The following PADI3 variants were observed in gnomAD, a reference collection of about 807,000 sequenced individuals.
The protein encoded by PADI3 is protein-arginine deiminase type-3.
In PADI3, 53 loss-of-function variants were observed where a neutral mutation model predicts 71.5. The observed-to-expected ratio is 0.74, with a 90% CI of 0.59 to 0.93. The LOEUF (loss-of-function observed/expected upper bound fraction) is 0.93. Among genes scored for constraint, PADI3 ranks in the 40% least tolerant of loss-of-function variants. The pLI, the probability that PADI3 is intolerant of heterozygous loss-of-function variation, is 0.00. For missense variants in PADI3, 821 were observed against 868.0 expected, an observed-to-expected ratio of 0.95 and a Z score of 0.68; for synonymous variants, 361 against 347.5, an observed-to-expected ratio of 1.04 and a Z score of -0.43.
In PADI3 at chr1:17,259,761, G is replaced by A. The variant is rs1164617021; in HGVS notation, c.273+3G>A. On this transcript the variant is annotated splice_donor_region_variant and intron_variant, in intron 2 of 15. Transcript: ENST00000375460. ...GCAATGACCTCAACGACAGCCATGTGAGCTGGTCCCTGGTGGGGTGGGGAG... is the reference window on the plus strand; with the variant it reads ...GCAATGACCTCAACGACAGCCATGTAAGCTGGTCCCTGGTGGGGTGGGGAG... The A allele has an allele frequency of 6.3e-7, 1 of 1,595,834 alleles. No individual in the cohort carries two copies.
chr1:17,266,333 C>T (rs974337400), intron 4 of PADI3, among the ~76,000 whole-genome samples: 3 of 152,158 alleles, frequency 2.0e-5, no homozygotes, highest in African/African-American at 4.8e-5. Flanking sequence ...CCTGGAGGGA[C>T]GTACCCTTGA....
At chr1:17,277,580 C>T (rs987629692) in intron 13 of PADI3, among the ~76,000 whole-genome samples, 3 of 152,244 alleles carry the variant, frequency 2.0e-5, no homozygotes, top group African/African-American at 7.2e-5. Flanking sequence ...AGGCACAGTC[C>T]TGTCTCCCAG....
chr1:17,257,875 A>G (rs2073047756), intron 1 of PADI3, among the ~76,000 whole-genome samples: 1 of 152,218 alleles, frequency 6.6e-6, no homozygotes, highest in Non-Finnish European at 1.5e-5. Flanking sequence ...TGAGGATCAG[A>G]TGAGCTAATG....
At chr1:17,249,870 G>A (rs778279772) in intron 1 of PADI3, among the ~76,000 whole-genome samples, 1 of 152,196 alleles carries the variant, frequency 6.6e-6, no homozygotes, top group Non-Finnish European at 1.5e-5. Context: ...CAAAGCCAGG[G>A]TTTAAACCCG....
chr1:17,255,782 C>T (rs116030017), intron 1 of PADI3, among the ~76,000 whole-genome samples: 135 of 152,314 alleles, frequency 8.9e-4, no homozygotes, highest in African/African-American at 3.2e-3. Flanking sequence ...GCTTTACCCA[C>T]ACTGGTTCCT....
intron 1 of PADI3, among the ~76,000 whole-genome samples, chr1:17,252,783 T>G (rs1461081298): frequency 6.6e-6 from 1 of 152,206 alleles, no homozygotes; most frequent in Non-Finnish European, 1.5e-5. Flanking sequence ...CCTCTGTCAT[T>G]GGCCCAGTGG....
chr1:17,253,353 G>A (rs1451309084), intron 1 of PADI3, among the ~76,000 whole-genome samples: 4 of 152,240 alleles, frequency 2.6e-5, no homozygotes, highest in Non-Finnish European at 5.9e-5. Context: ...GGGCAGCTGA[G>A]TCTGTTCTCT....
At chr1:17,268,099 A>G (rs2073196181) in intron 6 of PADI3, 137 bp downstream of exon 6, 1 of 936,080 alleles carries the variant, frequency 1.1e-6, no homozygotes, top group South Asian at 1.5e-5. Flanking sequence ...GGCGGGTCGC[A>G]GTAAGAACAG....
chr1:17,276,162 C>T (rs1270494173), intron 11 of PADI3, among the ~76,000 whole-genome samples: 1 of 152,062 alleles, frequency 6.6e-6, no homozygotes, highest in Non-Finnish European at 1.5e-5. Context: ...TGGTGAAACC[C>T]CATCTCTAGT....
intron 2 of PADI3, among the ~76,000 whole-genome samples, chr1:17,261,616 G>A (rs983218770): frequency 6.6e-6 from 1 of 152,238 alleles, no homozygotes; most frequent in Non-Finnish European, 1.5e-5. Flanking sequence ...TACATGTATT[G>A]TTTCCAAGCT....
intron 1 of PADI3, among the ~76,000 whole-genome samples, chr1:17,250,007 T>G (rs936739167): frequency 6.6e-6 from 1 of 152,258 alleles, no homozygotes; most frequent in Admixed American, 6.5e-5. Flanking sequence ...TGCCAGGTCA[T>G]GCCTTTGAGG....
At chr1:17,274,826 C>T in intron 11 of PADI3, 40 bp downstream of exon 11, 1 of 1,599,970 alleles carries the variant, frequency 6.3e-7, no homozygotes, top group African/African-American at 1.3e-5. Flanking sequence ...GGGGTGGAGG[C>T]TGAGGGTTGG....
At chr1:17,250,065 A>G (rs1268138861) in intron 1 of PADI3, among the ~76,000 whole-genome samples, 3 of 152,176 alleles carry the variant, frequency 2.0e-5, no homozygotes, top group Non-Finnish European at 2.9e-5. Flanking sequence ...CTTAGGAAGA[A>G]AAGAGGGTTA....
chr1:17,254,098 G>A (rs767224919), intron 1 of PADI3, among the ~76,000 whole-genome samples: 39 of 152,164 alleles, frequency 2.6e-4, no homozygotes, highest in Admixed American at 2.0e-3. Flanking sequence ...AAGGGTATAC[G>A]GGGCTGCCAC....
Position 17,264,879 on chromosome 1 carries a change from C to T in PADI3, c.347-780C>T, listed in dbSNP as rs541972481. ...TACAAAAATTAGTTGGGCATGGTGG[C>T]ATGCACCAGTAGTCCCAGCCTCAGG... On this transcript the variant is annotated intron_variant, in intron 3 of 15. Transcript: ENST00000375460. Among the ~76,000 whole-genome samples, 3 of 152,090 alleles carry T rather than the reference C, an allele frequency of 2.0e-5. No homozygotes were observed. The East Asian group carries it at 5.8e-4, about 29-fold the overall frequency.
Position 17,273,349 on chromosome 1 carries a change from G to A in PADI3, c.1057G>A (p.Glu353Lys), listed in dbSNP as rs779275454. The A allele has an allele frequency of 7.4e-6, 12 of 1,612,982 alleles. No individual in the cohort carries two copies. Among genetic ancestry groups the A allele is most frequent in the Admixed American group, 1.7e-5 (1 of 59,910 alleles). The change falls in exon 10 of 16, where the codon GAG becomes AAG. Residue 353 changes from glutamate (E) to lysine (K), a missense_variant. Coordinates refer to ENST00000375460, the MANE Select transcript of PADI3 (RefSeq NM_016233.2). ...RNDRWIQDEM[E>K]LGYVQAPHKT... ...CTCTCCTCACTTGCAGGATGAGATG[G>A]AGCTGGGCTACGTTCAGGCGCCGCA...
chr1:17,283,131 G>A lies in PADI3; in HGVS notation c.*52G>A, dbSNP rs2073422219. The A allele has an allele frequency of 7.0e-7, 1 of 1,420,610 alleles. No homozygotes were observed. The allele number at this position is 1,420,610 out of a possible 1,614,324, so 88.0% of individuals were successfully genotyped here. ...CCCTGGGGCGGGCATTGGCCCAGGTGGTGGAGACAGAGACAGGCCCCTGAA... is the reference window on the plus strand; with the variant it reads ...CCCTGGGGCGGGCATTGGCCCAGGTAGTGGAGACAGAGACAGGCCCCTGAA... On this transcript the variant is annotated 3_prime_UTR_variant, in exon 16 of 16. Transcript: ENST00000375460.
chr1:17,268,806 C>G (rs767897908), intron 6 of PADI3, among the ~76,000 whole-genome samples: 1 of 151,574 alleles, frequency 6.6e-6, no homozygotes, highest in Non-Finnish European at 1.5e-5. Flanking sequence ...CGTGCCTGGC[C>G]GCTTATTTTT....
chr1:17,259,845 A>G (rs1460670641), intron 2 of PADI3, 87 bp downstream of exon 2: 1 of 1,200,968 alleles, frequency 8.3e-7, no homozygotes, highest in East Asian at 2.6e-5. Flanking sequence ...CTTTCTCCAG[A>G]GCGCAGGGCA....
Sources: gnomAD v4.1 joint callset for allele counts (sites outside exome capture counted in the v4.1 genomes callset) on GRCh38, gnomAD v4.1.1 for gene constraint, MANE v1.5 for transcripts, NCBI Gene and HGNC (gene_info 2026-07-23, HGNC 2026-07-21) for gene names.